The following PRKCA variants were observed in gnomAD, a reference collection of about 807,000 sequenced individuals.
PRKCA encodes the protein protein kinase C alpha type.
Under a neutral mutation model 87.0 loss-of-function variants are expected in PRKCA, and 27 were observed. The ratio of observed to expected loss-of-function variants is 0.31; its 90% CI spans 0.23 to 0.43. The LOEUF (loss-of-function observed/expected upper bound fraction) is 0.43, where lower values mean the gene tolerates loss of function less well. PRKCA is among the 20% of genes least tolerant of loss of function. PRKCA has a pLI of 1.00. For synonymous variants in PRKCA, 329 were observed against 311.1 expected (o/e 1.06, Z -0.61); for missense variants, 518 against 852.3 (o/e 0.61, Z 4.88).
intron 9 of PRKCA, among the ~76,000 whole-genome samples, chr17:66,733,455 T>C (rs1973955308): frequency 6.6e-6 from 1 of 152,194 alleles, no homozygotes; most frequent in Non-Finnish European, 1.5e-5. Flanking sequence ...ATATGTAACA[T>C]GCATCTTATG....
intron 5 of PRKCA, among the ~76,000 whole-genome samples, chr17:66,665,698 G>A (rs1391571971): frequency 2.6e-5 from 4 of 152,190 alleles, no homozygotes; most frequent in Non-Finnish European, 5.9e-5. Context: ...TATTGTTAGT[G>A]AGTTCTCCAA....
intron 3 of PRKCA, among the ~76,000 whole-genome samples, chr17:66,549,103 G>A (rs546967957): frequency 2.6e-5 from 4 of 151,576 alleles, no homozygotes; most frequent in African/African-American, 9.7e-5. Flanking sequence ...ACCGTGCCGG[G>A]CCACTTTCTG....
At chr17:66,570,105 A>G (rs1969031355) in intron 3 of PRKCA, among the ~76,000 whole-genome samples, 1 of 152,208 alleles carries the variant, frequency 6.6e-6, no homozygotes, top group African/African-American at 2.4e-5. Context: ...GATGTCTTGC[A>G]GACATAACAC....
intron 2 of PRKCA, among the ~76,000 whole-genome samples, chr17:66,479,322 C>T (rs983097052): frequency 3.3e-5 from 5 of 152,078 alleles, no homozygotes; most frequent in Non-Finnish European, 7.4e-5. Flanking sequence ...TCACACCAGT[C>T]AGAATAGCTA....
rs555815613 is a variant in PRKCA, at chr17:66,418,751, CTTTG to C, written c.206-77438_206-77435del. The stretch of plus-strand genomic sequence containing the variant: ...GCTCCCAGCCGGTTTCAGCGTTTTT[CTTTG>C]TTTGTTTGTTTTTTAAGAGGGAGTC... On this transcript the variant is annotated intron_variant, in intron 2 of 16. Coordinates refer to ENST00000413366, the MANE Select transcript of PRKCA (RefSeq NM_002737.3). Among the ~76,000 whole-genome samples the C allele has an allele frequency of 5.2e-3, 785 of 150,272 alleles. 7 individuals carry two copies. Among genetic ancestry groups the C allele is most frequent in the South Asian group, 0.041 (195 of 4,726 alleles).
chr17:66,542,593 A>G (rs943542315), intron 3 of PRKCA, among the ~76,000 whole-genome samples: 2 of 152,096 alleles, frequency 1.3e-5, no homozygotes, highest in African/African-American at 4.8e-5. Flanking sequence ...CACCCTGAGT[A>G]GAGGTGTGGT....
rs1221719923 is a variant in PRKCA at position 66,805,786 on chromosome 17, C to T, written c.*1749C>T. On this transcript the variant is annotated 3_prime_UTR_variant, in exon 17 of 17. Coordinates refer to ENST00000413366, the MANE Select transcript of PRKCA (RefSeq NM_002737.3). ...GCATTGCCGCAGCACCTGGGCTGAC[C>T]TTTGTGTGTGCGTGTGTGTGTGTTT... 7.1e-6 allele frequency: 1 copy of T among 141,146 alleles called. No individual in the cohort carries two copies. Among genetic ancestry groups the T allele is most frequent in the Non-Finnish European group, 1.5e-5 (1 of 64,824 alleles). 8.7% of individuals were successfully genotyped at this position (141,146 alleles called of 1,614,324 possible).
chr17:66,364,442 A>G (rs1012876502), intron 2 of PRKCA: 1 of 152,230 alleles, frequency 6.6e-6, no homozygotes, highest in Non-Finnish European at 1.5e-5. Flanking sequence ...TGTGCCAAAA[A>G]ATAGGAATCA....
chr17:66,492,773 C>A (rs1447366124), intron 2 of PRKCA, among the ~76,000 whole-genome samples: 1 of 152,232 alleles, frequency 6.6e-6, no homozygotes. Context: ...AATCAAGATG[C>A]TTTTAGCAGA....
intron 2 of PRKCA, among the ~76,000 whole-genome samples, chr17:66,367,936 G>A (rs1908830768): frequency 6.6e-6 from 1 of 152,172 alleles, no homozygotes; most frequent in Admixed American, 6.5e-5. Context: ...CAGTTACAAT[G>A]AATTCCCTGT....
At position 66,804,094 on chromosome 17, in the gene PRKCA, G is replaced by C. The variant is rs1475464457; in HGVS notation, c.*57G>C. The C allele has an allele frequency of 6.4e-7, 1 of 1,562,444 alleles. No individual in the cohort carries two copies. ...CCCCCAGCCCTCCCCGCAGTGGGAA[G>C]TGAATCCTTAACCCTAAAATTTTAA... On this transcript the variant is annotated 3_prime_UTR_variant, in exon 17 of 17. Transcript: ENST00000413366.
At chr17:66,730,597 C>T (rs926070311) in intron 8 of PRKCA, among the ~76,000 whole-genome samples, 4 of 152,140 alleles carry the variant, frequency 2.6e-5, no homozygotes, top group Non-Finnish European at 2.9e-5. Flanking sequence ...TTGGTGCTGG[C>T]GGGAGTTTCC....
At chr17:66,416,829 G>A (rs1912183988) in intron 2 of PRKCA, 1 of 150,738 alleles carries the variant, frequency 6.6e-6, no homozygotes, top group African/African-American at 2.5e-5. Flanking sequence ...ACTGTGGATT[G>A]TCTGTCTGAG....
intron 5 of PRKCA, among the ~76,000 whole-genome samples, chr17:66,665,372 G>T (rs1309137522): frequency 1.3e-5 from 2 of 152,114 alleles, no homozygotes; most frequent in Non-Finnish European, 2.9e-5. Flanking sequence ...TGACCAAAAG[G>T]TTTTCTGGTA....
intron 3 of PRKCA, among the ~76,000 whole-genome samples, chr17:66,498,370 C>CTCTCT (rs1298174341): frequency 6.6e-6 from 1 of 152,036 alleles, no homozygotes; most frequent in Non-Finnish European, 1.5e-5. Context: ...TTTTTCTTTC[C>CTCTCT]TCTCTTCTCT....
At chr17:66,621,204 A>G (rs1039750041) in intron 3 of PRKCA, among the ~76,000 whole-genome samples, 1 of 152,196 alleles carries the variant, frequency 6.6e-6, no homozygotes, top group Non-Finnish European at 1.5e-5. Context: ...GGGCTTCAGG[A>G]ACCTAACAGA....
intron 3 of PRKCA, among the ~76,000 whole-genome samples, chr17:66,563,375 T>G (rs1968776004): frequency 6.6e-6 from 1 of 152,190 alleles, no homozygotes. Flanking sequence ...TTCTATTGCC[T>G]CCATAGTTTT....
rs574641816 is a variant in PRKCA, at chr17:66,544,191, T to C, written c.288+47908T>C. Among the ~76,000 whole-genome samples, 8 of 152,212 alleles carry C rather than the reference T, an allele frequency of 5.3e-5. No homozygotes were observed. The South Asian group carries it at 1.5e-3, about 28-fold the overall frequency. ...GTGAGCCAAGATCAGACCACTGCAC[T>C]GCAGCCTGGGCGACACAGCGAGACC... On this transcript the variant is annotated intron_variant, in intron 3 of 16. Transcript: ENST00000413366.
intron 5 of PRKCA, among the ~76,000 whole-genome samples, chr17:66,655,252 A>T (rs1175523927): frequency 6.6e-6 from 1 of 152,210 alleles, no homozygotes; most frequent in African/African-American, 2.4e-5. Context: ...TTGATTGGGC[A>T]TTCCTAAACA....
Sources: allele counts gnomAD v4.1 joint callset (sites outside exome capture counted in the v4.1 genomes callset), GRCh38; gene constraint gnomAD v4.1.1; transcripts MANE v1.5; gene names NCBI Gene and HGNC (gene_info 2026-07-23, HGNC 2026-07-21).